CDIN1: variants seen among roughly 807,000 people sequenced by gnomAD.
The protein encoded by CDIN1 is CDAN1 interacting nuclease 1, also known as CDAN1-interacting nuclease 1.
A neutral mutation model predicts 45.3 loss-of-function variants in CDIN1; 33 were observed. The observed-to-expected ratio is 0.73, with a 90% CI of 0.55 to 0.97. The LOEUF (loss-of-function observed/expected upper bound fraction) is 0.97. Among genes scored for constraint, CDIN1 ranks in the 50% least tolerant of loss-of-function variants. The pLI, the probability that CDIN1 is intolerant of heterozygous loss-of-function variation, is 0.00. For synonymous variants in CDIN1, 118 were observed against 124.4 expected (o/e 0.95, Z 0.34); for missense variants, 303 against 339.4 (o/e 0.89, Z 0.84).
intron 3 of CDIN1, among the ~76,000 whole-genome samples, chr15:36,647,023 C>T (rs374231421): frequency 9.0e-5 from 11 of 122,276 alleles, no homozygotes; most frequent in East Asian, 2.3e-4. Flanking sequence ...AAATAAATAT[C>T]TTTTTTTTTT....
Position 36,800,861 on chromosome 15 carries a change from GTGTGTGTGTGTGTATATA to G in CDIN1, c.717-7449_717-7432del, listed in dbSNP as rs1384973531. ...TATATATGATTATGATTATACATATGTGTGTGTGTGTGTATATATGTGTGTGTGTGTGTGTGTGTGTGT... is the reference window on the plus strand; with the variant it reads ...TATATATGATTATGATTATACATATGTGTGTGTGTGTGTGTGTGTGTGTGT... On this transcript the variant is annotated intron_variant, in intron 10 of 10. Transcript: ENST00000566621. 4.9e-3 allele frequency among the ~76,000 whole-genome samples: 336 copies of G among 68,264 alleles called. 1 individual carries two copies. The highest frequency in any genetic ancestry group is 7.5e-3 in the Non-Finnish European group (280 of 37,298). 44.8% of individuals were successfully genotyped at this position (68,264 alleles called of 152,430 possible). A position where few individuals can be genotyped will look rare whatever the true frequency, so the allele number is the denominator to read the frequency against.
chr15:36,630,883 A>T (rs1291318935), intron 1 of CDIN1, among the ~76,000 whole-genome samples: 1 of 152,188 alleles, frequency 6.6e-6, no homozygotes, highest in Non-Finnish European at 1.5e-5. Flanking sequence ...AGCTCTTTAG[A>T]GAACCAATAG....
chr15:36,730,266 A>G (rs546528100), intron 10 of CDIN1, among the ~76,000 whole-genome samples: 4 of 152,118 alleles, frequency 2.6e-5, no homozygotes, highest in South Asian at 4.1e-4. Flanking sequence ...CAGCTTTCAT[A>G]TATTTGCTTT....
Position 36,579,788 on chromosome 15 carries a change from C to T in CDIN1, c.-73C>T, listed in dbSNP as rs1370531788. On this transcript the variant is annotated 5_prime_UTR_variant, in exon 1 of 11. Coordinates refer to ENST00000566621, the MANE Select transcript of CDIN1 (RefSeq NM_001321759.2). ...GTGCCGCTTTGCCTACCCCTCATCC[C>T]TCGGCACCAAGGCTACTTGAGCCCC... 1 of 1,293,606 alleles carries T rather than the reference C, an allele frequency of 7.7e-7. No homozygotes were observed. The highest frequency in any genetic ancestry group is 1.1e-6 in the Non-Finnish European group (1 of 925,510). The allele number at this position is 1,293,606 out of a possible 1,614,324, so 80.1% of individuals were successfully genotyped here.
chr15:36,698,102 A>G (rs2042503336), intron 8 of CDIN1, among the ~76,000 whole-genome samples: 2 of 152,320 alleles, frequency 1.3e-5, no homozygotes, highest in Admixed American at 6.5e-5. Context: ...ATAGATATTG[A>G]AGAGTCTGCA....
intron 1 of CDIN1, among the ~76,000 whole-genome samples, chr15:36,628,649 T>C (rs1481658906): frequency 6.6e-6 from 1 of 152,126 alleles, no homozygotes; most frequent in African/African-American, 2.4e-5. Flanking sequence ...GAGTTGGGAC[T>C]TTGGGGGATG....
chr15:36,582,625 G>A (rs565414676), intron 1 of CDIN1, among the ~76,000 whole-genome samples: 4 of 152,130 alleles, frequency 2.6e-5, no homozygotes, highest in Non-Finnish European at 4.4e-5. Flanking sequence ...AAAAATAGTC[G>A]TGTTGACCCT....
intron 1 of CDIN1, among the ~76,000 whole-genome samples, chr15:36,586,067 G>A (rs781666035): frequency 6.6e-6 from 1 of 152,106 alleles, no homozygotes; most frequent in Non-Finnish European, 1.5e-5. Context: ...AGTTGACAAA[G>A]TCTGACCAAC....
chr15:36,638,651 T>C (rs2039993468), intron 1 of CDIN1, among the ~76,000 whole-genome samples: 1 of 152,220 alleles, frequency 6.6e-6, no homozygotes, highest in African/African-American at 2.4e-5. Flanking sequence ...TTCCTTTATC[T>C]TTAAAAACAT....
chr15:36,657,217 TTA>T (rs2040816594), intron 4 of CDIN1, among the ~76,000 whole-genome samples: 1 of 152,152 alleles, frequency 6.6e-6, no homozygotes, highest in Admixed American at 6.5e-5. Flanking sequence ...GACGGTGATC[TTA>T]TGTTGCAGAT....
intron 10 of CDIN1, among the ~76,000 whole-genome samples, chr15:36,750,796 G>A (rs2053439399): frequency 6.6e-6 from 1 of 152,128 alleles, no homozygotes; most frequent in East Asian, 1.9e-4. Context: ...AATTATAAAA[G>A]AGGCCAACCT....
chr15:36,610,730 G>A (rs1002197035), intron 1 of CDIN1, among the ~76,000 whole-genome samples: 4 of 152,234 alleles, frequency 2.6e-5, no homozygotes, highest in African/African-American at 7.2e-5. Flanking sequence ...AGTGTCCACA[G>A]AATTGGTGAC....
At chr15:36,729,292 A>G (rs952592202) in intron 10 of CDIN1, among the ~76,000 whole-genome samples, 7 of 152,126 alleles carry the variant, frequency 4.6e-5, no homozygotes, top group African/African-American at 1.7e-4. Context: ...ATTTGGTTGG[A>G]AAAAAATGAT....
intron 10 of CDIN1, among the ~76,000 whole-genome samples, chr15:36,738,663 C>T (rs908604813): frequency 6.6e-6 from 1 of 152,192 alleles, no homozygotes; most frequent in African/African-American, 2.4e-5. Context: ...ATACGTAGCT[C>T]ACTGTCCAAA....
At chr15:36,666,107 C>G (rs1195644333) in intron 5 of CDIN1, among the ~76,000 whole-genome samples, 2 of 152,030 alleles carry the variant, frequency 1.3e-5, no homozygotes, top group Non-Finnish European at 2.9e-5. Context: ...TGTATCTTTG[C>G]TCTTTTTAAT....
At chr15:36,765,531 A>G (rs978986913) in intron 10 of CDIN1, among the ~76,000 whole-genome samples, 5 of 152,224 alleles carry the variant, frequency 3.3e-5, no homozygotes, top group African/African-American at 1.2e-4. Context: ...AGTCAAACAC[A>G]GGCCTTCTAA....
chr15:36,795,788 G>T (rs112335626), intron 10 of CDIN1, among the ~76,000 whole-genome samples: 1 of 151,774 alleles, frequency 6.6e-6, no homozygotes, highest in African/African-American at 2.4e-5. Flanking sequence ...CTGCAACCTC[G>T]AACTCCTGGG....
intron 10 of CDIN1, among the ~76,000 whole-genome samples, chr15:36,756,771 C>A (rs923313337): frequency 2.0e-5 from 3 of 152,130 alleles, no homozygotes; most frequent in Admixed American, 6.6e-5. Flanking sequence ...CTATATGTAA[C>A]CACACTCCCT....
intron 1 of CDIN1, among the ~76,000 whole-genome samples, chr15:36,582,477 A>G (rs1001333563): frequency 3.9e-5 from 6 of 152,246 alleles, no homozygotes; most frequent in Admixed American, 2.6e-4. Flanking sequence ...TACAGTGACT[A>G]CTAGTACAGT....
Sources: gnomAD v4.1 joint callset for allele counts (sites outside exome capture counted in the v4.1 genomes callset) on GRCh38, gnomAD v4.1.1 for gene constraint, MANE v1.5 for transcripts, NCBI Gene and HGNC (gene_info 2026-07-23, HGNC 2026-07-21) for gene names.